Variants in NTM observed in about 807,000 individuals in gnomAD.
NTM encodes the protein IgLON family member 2.
NTM carries 13 observed loss-of-function variants against 42.1 expected under a neutral mutation model. The ratio of observed to expected loss-of-function variants is 0.31; its 90% CI spans 0.20 to 0.49. The LOEUF is 0.49. NTM is among the 20% of genes least tolerant of loss of function. The probability of loss-of-function intolerance (pLI) is 0.99; values close to 1 mark genes in which losing one functional copy is unlikely to be tolerated. For missense variants in NTM, 373 were observed against 452.8 expected (o/e 0.82, Z 1.60); for synonymous variants, 187 against 179.2 (o/e 1.04, Z -0.35).
At chr11:131,448,265 T>G (rs769507406) in intron 1 of NTM, among the ~76,000 whole-genome samples, 1 of 152,358 alleles carries the variant, frequency 6.6e-6, no homozygotes, top group East Asian at 1.9e-4. Context: ...CTGCACCATC[T>G]TCTTCTCTGC....
chr11:131,457,491 G>A (rs114369887), intron 1 of NTM, among the ~76,000 whole-genome samples: 41 of 152,284 alleles, frequency 2.7e-4, no homozygotes, highest in African/African-American at 9.9e-4. Context: ...TTCCTCTGAG[G>A]AAGATGGGAA....
chr11:131,632,971 CG>C (rs1227455893), intron 1 of NTM, among the ~76,000 whole-genome samples: 1 of 152,130 alleles, frequency 6.6e-6, no homozygotes, highest in Middle Eastern at 3.2e-3. Flanking sequence ...CCGCGCCACT[CG>C]GGCAGCTTTG....
At chr11:131,451,015 A>T (rs1950443942) in intron 1 of NTM, among the ~76,000 whole-genome samples, 1 of 152,178 alleles carries the variant, frequency 6.6e-6, no homozygotes, top group Admixed American at 6.5e-5. Flanking sequence ...CATTTCACAC[A>T]GTCTATAGAC....
intron 4 of NTM, among the ~76,000 whole-genome samples, chr11:132,278,052 G>A (rs1209593550): frequency 6.6e-6 from 1 of 152,264 alleles, no homozygotes; most frequent in Middle Eastern, 3.4e-3. Context: ...TAATCACTGT[G>A]GTATTCACAT....
At chr11:131,899,573 T>C (rs2052814091) in intron 1 of NTM, among the ~76,000 whole-genome samples, 1 of 152,182 alleles carries the variant, frequency 6.6e-6, no homozygotes, top group South Asian at 2.1e-4. Context: ...TTACCTGCTT[T>C]GGACAGTGGC....
At position 131,474,755 on chromosome 11, in the gene NTM, G is replaced by A. The variant is rs76223474; in HGVS notation, c.82+103867G>A. On this transcript the variant is annotated intron_variant, in intron 1 of 8. Coordinates refer to ENST00000683400, the MANE Select transcript of NTM (RefSeq NM_001352005.2). Reference sequence around the variant, plus strand: ...TCCTGATATCACTCTCTTAGTTATAGGGTATCATTATATCCTTCTTGGACT... The same window carrying A: ...TCCTGATATCACTCTCTTAGTTATAAGGTATCATTATATCCTTCTTGGACT... Among the ~76,000 whole-genome samples the A allele has an allele frequency of 8.1e-3, 1,234 of 152,070 alleles. 18 individuals carry two copies. Among genetic ancestry groups the A allele is most frequent in the African/African-American group, 0.028 (1,180 of 41,490 alleles).
chr11:131,549,144 C>T (rs552398566), intron 1 of NTM, among the ~76,000 whole-genome samples: 14 of 152,212 alleles, frequency 9.2e-5, no homozygotes, highest in Admixed American at 2.0e-4. Context: ...GTTTAGAGGC[C>T]GGCTGGGGAA....
chr11:131,974,095 A>G (rs2063959010), intron 2 of NTM, among the ~76,000 whole-genome samples: 1 of 152,138 alleles, frequency 6.6e-6, no homozygotes, highest in African/African-American at 2.4e-5. Flanking sequence ...ACTTTATTTT[A>G]ATAATACAGT....
intron 4 of NTM, among the ~76,000 whole-genome samples, chr11:132,282,188 C>T (rs567049343): frequency 6.6e-6 from 1 of 151,350 alleles, no homozygotes; most frequent in South Asian, 2.1e-4. Context: ...CAATAGGGAG[C>T]CTGGCTCAAT....
Position 131,755,046 on chromosome 11 carries a change from T to C in NTM, c.83-156518T>C, listed in dbSNP as rs569501682. ...GTGAAGGTCTGGGGCTAAAGAGCCT[T>C]GGGTATTGATGGCAGGAAGCATGAG... On this transcript the variant is annotated intron_variant, in intron 1 of 8. Transcript: ENST00000683400. 3.2e-4 allele frequency among the ~76,000 whole-genome samples: 49 copies of C among 152,248 alleles called. 1 individual carries two copies. The highest frequency in any genetic ancestry group is 2.7e-3 in the Admixed American group (41 of 15,294).
At chr11:132,062,630 T>C (rs1226705377) in intron 2 of NTM, among the ~76,000 whole-genome samples, 1 of 152,152 alleles carries the variant, frequency 6.6e-6, no homozygotes, top group Non-Finnish European at 1.5e-5. Context: ...CTATTTAGGA[T>C]TGTAGATATT....
chr11:131,650,737 C>G (rs192238490), intron 1 of NTM, among the ~76,000 whole-genome samples: 243 of 152,056 alleles, frequency 1.6e-3, no homozygotes, highest in Middle Eastern at 3.4e-3. Flanking sequence ...AGGAAATGAG[C>G]TTAAACTACA....
At chr11:132,270,121 G>A (rs373431035) in intron 4 of NTM, among the ~76,000 whole-genome samples, 3 of 152,044 alleles carry the variant, frequency 2.0e-5, no homozygotes, top group Non-Finnish European at 4.4e-5. Flanking sequence ...GAGATCATAC[G>A]TATATATTCT....
At chr11:131,806,157 T>C (rs2092470496) in intron 1 of NTM, among the ~76,000 whole-genome samples, 1 of 152,096 alleles carries the variant, frequency 6.6e-6, no homozygotes, top group South Asian at 2.1e-4. Flanking sequence ...TTAGATTACC[T>C]GCTAAATTCC....
intron 1 of NTM, among the ~76,000 whole-genome samples, chr11:131,861,117 A>G (rs2046587719): frequency 6.6e-6 from 1 of 152,188 alleles, no homozygotes; most frequent in African/African-American, 2.4e-5. Flanking sequence ...TGAAGGGGAC[A>G]GTGGAGTCAG....
At chr11:132,318,916 CTT>C (rs150383637) in intron 7 of NTM, among the ~76,000 whole-genome samples, 4,624 of 152,176 alleles carry the variant, frequency 0.03, 257 homozygotes, top group African/African-American at 0.11. Flanking sequence ...AAAAAAGTAC[CTT>C]TTTATCATGG....
chr11:132,070,047 TAGTTAACACGTCACACAGCCA>T (rs1471360892), intron 2 of NTM, among the ~76,000 whole-genome samples: 5 of 139,056 alleles, frequency 3.6e-5, no homozygotes, highest in East Asian at 2.2e-4. Flanking sequence ...CGTCACAGGT[TAGTTAACACGTCACACAGCCA>T]AGTTAACACG....
intron 7 of NTM, 172 bp from the exon 8 acceptor site, chr11:132,329,981 G>A: frequency 1.7e-6 from 1 of 596,272 alleles, no homozygotes; most frequent in Non-Finnish European, 2.1e-6. Flanking sequence ...AACCAGAGGG[G>A]GGTCACATAG....
intron 1 of NTM, among the ~76,000 whole-genome samples, chr11:131,559,821 C>G (rs769791573): frequency 2.0e-5 from 3 of 152,166 alleles, no homozygotes; most frequent in Non-Finnish European, 4.4e-5. Context: ...ATGAGAGGCT[C>G]ACTTTCGTTC....
Sources: allele counts gnomAD v4.1 joint callset (sites outside exome capture counted in the v4.1 genomes callset), GRCh38; gene constraint gnomAD v4.1.1; transcripts MANE v1.5; gene names NCBI Gene and HGNC (gene_info 2026-07-23, HGNC 2026-07-21).